The following SCN8A variants were observed in gnomAD, a reference collection of about 807,000 sequenced individuals.
SCN8A encodes sodium voltage-gated channel alpha subunit 8.
SCN8A carries 30 observed loss-of-function variants against 184.1 expected under a neutral mutation model. That is an observed-to-expected ratio of 0.16 (90% CI 0.12 to 0.22). The LOEUF (loss-of-function observed/expected upper bound fraction) is 0.22, where lower values mean the gene tolerates loss of function less well. Among genes scored for constraint, SCN8A ranks in the 10% least tolerant of loss-of-function variants. The pLI, the probability that SCN8A is intolerant of heterozygous loss-of-function variation, is 1.00. For synonymous variants in SCN8A, 852 were observed against 907.0 expected (o/e 0.94, Z 1.09); for missense variants, 1,057 against 2,498.9 (o/e 0.42, Z 12.30).
intron 11 of SCN8A, chr12:51,712,469 C>T (rs1472210455): frequency 3.9e-6 from 3 of 768,094 alleles, no homozygotes; most frequent in African/African-American, 1.7e-5. Context: ...TTTTTAGAAC[C>T]TTCTGCTACT....
chr12:51,621,525 A>G (rs1014655805), intron 1 of SCN8A, among the ~76,000 whole-genome samples: 1 of 152,248 alleles, frequency 6.6e-6, no homozygotes, highest in Non-Finnish European at 1.5e-5. Flanking sequence ...CTGATGTCTT[A>G]GGCAGAGCCT....
chr12:51,689,539 AATGAAATT>A, intron 6 of SCN8A: 1 of 153,822 alleles, frequency 6.5e-6, no homozygotes, highest in Non-Finnish European at 1.4e-5. Flanking sequence ...TTACTATATT[AATGAAATT>A]TTTTAATCAC....
At chr12:51,638,364 C>A (rs182438574) in intron 1 of SCN8A, among the ~76,000 whole-genome samples, 2 of 152,094 alleles carry the variant, frequency 1.3e-5, no homozygotes, top group Non-Finnish European at 2.9e-5. Context: ...TCTGATGGAT[C>A]TGGGAAAAGT....
chr12:51,599,204 A>C (rs1215342306), intron 1 of SCN8A, among the ~76,000 whole-genome samples: 1 of 152,212 alleles, frequency 6.6e-6, no homozygotes, highest in Non-Finnish European at 1.5e-5. Context: ...GATAGACCTT[A>C]TGTTCTAGGA....
intron 2 of SCN8A, among the ~76,000 whole-genome samples, chr12:51,679,154 G>A (rs901188791): frequency 1.3e-4 from 20 of 152,012 alleles, no homozygotes; most frequent in African/African-American, 4.3e-4. Context: ...CATAATCCCA[G>A]CACTTTGGGA....
intron 1 of SCN8A, among the ~76,000 whole-genome samples, chr12:51,614,385 A>T (rs1939786888): frequency 6.6e-6 from 1 of 152,120 alleles, no homozygotes; most frequent in South Asian, 2.1e-4. Flanking sequence ...TTTATCTGAT[A>T]TTAATATAAT....
chr12:51,712,915 C>A (rs1941904363), intron 11 of SCN8A: 1 of 1,588,440 alleles, frequency 6.3e-7, no homozygotes. Flanking sequence ...TCCACCACCT[C>A]CAAAGCTTCC....
At chr12:51,731,588 G>A (rs1468500561) in intron 12 of SCN8A, among the ~76,000 whole-genome samples, 1 of 152,188 alleles carries the variant, frequency 6.6e-6, no homozygotes, top group Admixed American at 6.5e-5. Context: ...CATATACCCA[G>A]TAGTGGGATT....
chr12:51,791,124 G>A (rs1938238097), intron 25 of SCN8A, among the ~76,000 whole-genome samples: 1 of 152,086 alleles, frequency 6.6e-6, no homozygotes, highest in Non-Finnish European at 1.5e-5. Flanking sequence ...CATATATCCG[G>A]TTGGATGGGA....
intron 1 of SCN8A, among the ~76,000 whole-genome samples, chr12:51,646,245 T>C (rs1940587739): frequency 6.6e-6 from 1 of 152,182 alleles, no homozygotes; most frequent in Non-Finnish European, 1.5e-5. Flanking sequence ...GTTGCTATGG[T>C]AACTATACAA....
At chr12:51,658,968 C>T (rs1483578806) in intron 1 of SCN8A, among the ~76,000 whole-genome samples, 2 of 152,058 alleles carry the variant, frequency 1.3e-5, no homozygotes, top group Non-Finnish European at 2.9e-5. Flanking sequence ...ATTCTCTGAC[C>T]CAGCATTCCA....
chr12:51,608,574 T>C (rs117934057), intron 1 of SCN8A, among the ~76,000 whole-genome samples: 1,649 of 152,300 alleles, frequency 0.011, 14 homozygotes, highest in Non-Finnish European at 0.016. Flanking sequence ...TTCAGTGATA[T>C]CAGTTGTAAT....
intron 26 of SCN8A, among the ~76,000 whole-genome samples, chr12:51,803,711 A>G (rs1312107482): frequency 6.6e-6 from 1 of 152,118 alleles, no homozygotes; most frequent in Non-Finnish European, 1.5e-5. Context: ...ACTTGAATAT[A>G]TATTATATAA....
At chr12:51,631,676 A>G (rs1460914607) in intron 1 of SCN8A, among the ~76,000 whole-genome samples, 1 of 152,222 alleles carries the variant, frequency 6.6e-6, no homozygotes, top group Non-Finnish European at 1.5e-5. Flanking sequence ...AAGTCTTTTG[A>G]TGATCTCTGG....
chr12:51,709,275 G>A (rs1172979517), intron 11 of SCN8A, among the ~76,000 whole-genome samples: 7 of 152,192 alleles, frequency 4.6e-5, no homozygotes, highest in African/African-American at 1.7e-4. Context: ...GCTCAGGGAA[G>A]AGGTCCTGAG....
chr12:51,619,342 T>A (rs1939912609), intron 1 of SCN8A, among the ~76,000 whole-genome samples: 1 of 152,220 alleles, frequency 6.6e-6, no homozygotes, highest in Non-Finnish European at 1.5e-5. Flanking sequence ...ATTCCATTAA[T>A]TTCAAACTCT....
At chr12:51,702,962 T>A in intron 9 of SCN8A, 48 bp downstream of exon 9, 1 of 1,530,500 alleles carries the variant, frequency 6.5e-7, no homozygotes, top group South Asian at 1.3e-5. Context: ...CATGAGCTTA[T>A]ATGGGGTTGG....
intron 2 of SCN8A, among the ~76,000 whole-genome samples, chr12:51,676,835 C>T (rs1941230481): frequency 6.6e-6 from 1 of 152,150 alleles, no homozygotes; most frequent in Non-Finnish European, 1.5e-5. Context: ...CATCAGATGC[C>T]TGCAGATTAC....
intron 1 of SCN8A, among the ~76,000 whole-genome samples, chr12:51,642,522 G>C (rs572519912): frequency 1.3e-5 from 2 of 152,240 alleles, no homozygotes; most frequent in East Asian, 3.9e-4. Context: ...CTGAAATCTT[G>C]TTCAGGAAAG....
Sources: allele counts gnomAD v4.1 joint callset (sites outside exome capture counted in the v4.1 genomes callset), GRCh38; gene constraint gnomAD v4.1.1; transcripts MANE v1.5; gene names NCBI Gene and HGNC (gene_info 2026-07-23, HGNC 2026-07-21).